Variants in B4GALNT3 observed in about 807,000 individuals in gnomAD.
B4GALNT3 encodes beta-1,4-N-acetylgalactosaminyltransferase 3.
In B4GALNT3, 86 loss-of-function variants were observed where a neutral mutation model predicts 120.2. The observed-to-expected ratio is 0.72, with a 90% CI of 0.60 to 0.86. B4GALNT3 has a LOEUF of 0.86. Among genes scored for constraint, B4GALNT3 ranks in the 40% least tolerant of loss-of-function variants. The pLI is 0.00. For synonymous variants in B4GALNT3, 518 were observed against 510.4 expected (o/e 1.01, Z -0.20); for missense variants, 1,167 against 1,298.9 (o/e 0.90, Z 1.56).
At chr12:519,099 G>T (rs535986892) in intron 1 of B4GALNT3, among the ~76,000 whole-genome samples, 1 of 152,224 alleles carries the variant, frequency 6.6e-6, no homozygotes, top group Non-Finnish European at 1.5e-5. Flanking sequence ...TGCAGTCTTT[G>T]TGAGAAGCCT....
intron 1 of B4GALNT3, among the ~76,000 whole-genome samples, chr12:512,552 C>T (rs1434499347): frequency 4.2e-5 from 6 of 144,020 alleles, no homozygotes; most frequent in Non-Finnish European, 6.1e-5. Context: ...CTTCCACCTT[C>T]GACCTTCCAC....
In B4GALNT3 at chr12:553,758, A is replaced by C. The variant is rs779249903; in HGVS notation, c.1835A>C (p.Glu612Ala). The change falls in exon 14 of 20, where the codon GAG (glutamate) becomes GCG (alanine). Residue 612 changes from glutamate to alanine, a missense_variant. Physicochemically the swap from Glu to Ala is moderately radical, Grantham distance 107. Coordinates refer to ENST00000266383, the MANE Select transcript of B4GALNT3 (RefSeq NM_173593.4). ...QVEGEEEGEEEEEEEDMSEVF... is the reference protein window; with the variant it reads ...QVEGEEEGEEAEEEEDMSEVF... ...GAGGGAGAGGAAGAGGGGGAAGAAG[A>C]GGAGGAGGAAGAGGATATGAGTGAG... 2 of 1,614,116 alleles carry C rather than the reference A, an allele frequency of 1.2e-6. No homozygotes were observed. Among genetic ancestry groups the C allele is most frequent in the Non-Finnish European group, 1.7e-6 (2 of 1,179,970 alleles).
intron 1 of B4GALNT3, among the ~76,000 whole-genome samples, chr12:473,309 C>T (rs192593089): frequency 4.2e-4 from 64 of 152,246 alleles, no homozygotes; most frequent in Admixed American, 2.5e-3. Context: ...GAACTTGTGA[C>T]TGTAGGTTGA....
At chr12:482,141 T>C (rs1946248436) in intron 1 of B4GALNT3, among the ~76,000 whole-genome samples, 1 of 152,118 alleles carries the variant, frequency 6.6e-6, no homozygotes, top group Non-Finnish European at 1.5e-5. Context: ...GTAACACACA[T>C]AGGGGTATAA....
intron 1 of B4GALNT3, among the ~76,000 whole-genome samples, chr12:517,136 G>A (rs780524537): frequency 2.0e-5 from 3 of 152,154 alleles, no homozygotes; most frequent in African/African-American, 4.8e-5. Flanking sequence ...CTGTATAAGC[G>A]GGGAGTTCAG....
chr12:540,038 G>A (rs184062526), intron 3 of B4GALNT3, among the ~76,000 whole-genome samples: 25 of 152,344 alleles, frequency 1.6e-4, no homozygotes, highest in East Asian at 5.8e-4. Flanking sequence ...CCCCACTGCC[G>A]CATGAGTTAG....
chr12:528,328 C>G (rs1390884790), intron 1 of B4GALNT3, among the ~76,000 whole-genome samples: 1 of 152,120 alleles, frequency 6.6e-6, no homozygotes, highest in Non-Finnish European at 1.5e-5. Context: ...TGGGCTCAAG[C>G]CATCCTCCCA....
chr12:554,776 CA>C (rs1250400023), intron 14 of B4GALNT3, among the ~76,000 whole-genome samples: 3 of 78,724 alleles, frequency 3.8e-5, no homozygotes, highest in Non-Finnish European at 6.4e-5. Context: ...GGCGACAGAG[CA>C]AGACTCCGTC....
intron 14 of B4GALNT3, chr12:555,553 G>A: frequency 2.9e-6 from 1 of 345,854 alleles, no homozygotes; most frequent in Non-Finnish European, 5.7e-6. Context: ...GAACATTCAT[G>A]CACAAGCTTT....
chr12:534,725 A>AGG (rs1292169320), intron 1 of B4GALNT3, among the ~76,000 whole-genome samples: 2 of 152,178 alleles, frequency 1.3e-5, no homozygotes, highest in Non-Finnish European at 2.9e-5. Context: ...GATCAGTGGT[A>AGG]GGGGGTCCCC....
intron 1 of B4GALNT3, among the ~76,000 whole-genome samples, chr12:486,631 A>G (rs1170523301): frequency 2.6e-5 from 4 of 152,178 alleles, no homozygotes; most frequent in Non-Finnish European, 5.9e-5. Flanking sequence ...ATCCTGTCCC[A>G]TCTAGAGTGG....
chr12:467,030 T>A (rs1048647615), intron 1 of B4GALNT3, among the ~76,000 whole-genome samples: 1 of 152,174 alleles, frequency 6.6e-6, no homozygotes, highest in Non-Finnish European at 1.5e-5. Flanking sequence ...TAGATTAGTT[T>A]AGCATATTTT....
At chr12:468,117 T>C (rs1295293540) in intron 1 of B4GALNT3, among the ~76,000 whole-genome samples, 3 of 152,226 alleles carry the variant, frequency 2.0e-5, no homozygotes, top group Admixed American at 6.5e-5. Context: ...TGTAAACTAC[T>C]TTAGTTTTTC....
intron 19 of B4GALNT3, among the ~76,000 whole-genome samples, chr12:559,874 G>A (rs906210448): frequency 5.3e-5 from 8 of 152,262 alleles, no homozygotes; most frequent in Non-Finnish European, 8.8e-5. Flanking sequence ...AGAAGAGACA[G>A]TGTAGACCAC....
In B4GALNT3 at chr12:524,873, C is replaced by T. The variant is rs1457360283; in HGVS notation, c.170-10293C>T. Among the ~76,000 whole-genome samples the T allele has an allele frequency of 2.6e-5, 4 of 152,266 alleles. No individual in the cohort carries two copies. In the South Asian group the frequency reaches 6.2e-4, roughly 24 times the overall value. On this transcript the variant is annotated intron_variant, in intron 1 of 19. Coordinates refer to ENST00000266383, the MANE Select transcript of B4GALNT3 (RefSeq NM_173593.4). ...TGACTGGCCTGCGCAAACGCACATT[C>T]GTTAGCTGTTGTGTTTGTCCTCTGT...
Position 460,958 on chromosome 12 carries a change from G to C in B4GALNT3, c.169+413G>C, listed in dbSNP as rs572345487. 1.3e-5 allele frequency among the ~76,000 whole-genome samples: 2 copies of C among 152,282 alleles called. No homozygotes were observed. Among genetic ancestry groups the C allele is most frequent in the South Asian group, 2.1e-4 (1 of 4,828 alleles). ...AGGGATTCGGGTGCGGGATGCCCTC[G>C]GCCGTCCACACCCAGGCGCGCGCTC... is the stretch of plus-strand genomic sequence containing the variant. On this transcript the variant is annotated intron_variant, in intron 1 of 19. Transcript: ENST00000266383. This position sits in a 1 kb window ranked among gnomAD's most constrained non-coding sequence, Gnocchi z 8.0.
intron 7 of B4GALNT3, among the ~76,000 whole-genome samples, chr12:547,052 G>C (rs1004660133): frequency 6.6e-6 from 1 of 152,130 alleles, no homozygotes; most frequent in African/African-American, 2.4e-5. Context: ...GGTCCCCCTC[G>C]GTCGTCTGGG....
intron 1 of B4GALNT3, among the ~76,000 whole-genome samples, chr12:512,046 CACCTTCG>C: frequency 7.2e-6 from 1 of 139,018 alleles, no homozygotes; most frequent in East Asian, 2.2e-4. Flanking sequence ...TTCTGCCTTC[CACCTTCG>C]ACCTTCTTCC....
chr12:475,685 G>C (rs1175888112), intron 1 of B4GALNT3, among the ~76,000 whole-genome samples: 1 of 152,056 alleles, frequency 6.6e-6, no homozygotes, highest in Non-Finnish European at 1.5e-5. Context: ...TTTAGAACCA[G>C]CTGACTTCGT....
Sources: allele counts gnomAD v4.1 joint callset (sites outside exome capture counted in the v4.1 genomes callset), GRCh38; gene constraint gnomAD v4.1.1; non-coding constraint Gnocchi (gnomAD v3.1); transcripts MANE v1.5; gene names NCBI Gene and HGNC (gene_info 2026-07-23, HGNC 2026-07-21).